The following NLGN1 variants were observed in gnomAD, a reference collection of about 807,000 sequenced individuals.
The protein encoded by NLGN1 is neuroligin 1.
In NLGN1, 12 loss-of-function variants were observed where a neutral mutation model predicts 65.5. The ratio of observed to expected loss-of-function variants is 0.18; its 90% CI spans 0.12 to 0.30. The LOEUF is 0.30. Among genes scored for constraint, NLGN1 ranks in the 10% least tolerant of loss-of-function variants. NLGN1 has a pLI of 1.00. For synonymous variants in NLGN1, 350 were observed against 359.5 expected, an observed-to-expected ratio of 0.97 and a Z score of 0.30; for missense variants, 750 against 1,007.1, an observed-to-expected ratio of 0.74 and a Z score of 3.46.
chr3:173,800,947 T>C (rs993623020), intron 3 of NLGN1, among the ~76,000 whole-genome samples: 1 of 151,976 alleles, frequency 6.6e-6, no homozygotes, highest in African/African-American at 2.4e-5. Flanking sequence ...ATTACAACTA[T>C]TTAGAAAACT....
At chr3:173,563,681 CT>C (rs144753128) in intron 2 of NLGN1, among the ~76,000 whole-genome samples, 3,271 of 151,592 alleles carry the variant, frequency 0.022, 45 homozygotes, top group South Asian at 0.054. Flanking sequence ...CTTGGGTCAT[CT>C]TTTTTTTTCT....
intron 4 of NLGN1, among the ~76,000 whole-genome samples, chr3:173,960,909 A>T (rs140493662): frequency 2.6e-5 from 4 of 152,166 alleles, no homozygotes; most frequent in African/African-American, 7.2e-5. Context: ...ACAGATTATC[A>T]ATGATGCAAC....
intron 2 of NLGN1, among the ~76,000 whole-genome samples, chr3:173,462,859 G>A (rs539877922): frequency 2.0e-5 from 3 of 152,268 alleles, no homozygotes; most frequent in South Asian, 4.1e-4. Flanking sequence ...TCAAGAAAAG[G>A]TGTTTTATAT....
At chr3:173,968,814 T>C (rs1445666724) in intron 4 of NLGN1, among the ~76,000 whole-genome samples, 1 of 143,816 alleles carries the variant, frequency 7.0e-6, no homozygotes, top group Non-Finnish European at 1.5e-5. Flanking sequence ...TTCTTCTGCC[T>C]CAGCTTCCTG....
intron 4 of NLGN1, among the ~76,000 whole-genome samples, chr3:174,082,748 T>C (rs1420911443): frequency 6.6e-6 from 1 of 151,902 alleles, no homozygotes; most frequent in Non-Finnish European, 1.5e-5. Flanking sequence ...GAAACAGAGG[T>C]TCATTCTTGT....
In NLGN1 at chr3:173,939,020, A is replaced by T. The variant is rs752544398; in HGVS notation, c.646+131188A>T. Among the ~76,000 whole-genome samples, 4 of 152,216 alleles carry T rather than the reference A, an allele frequency of 2.6e-5. No individual in the cohort carries two copies. In the East Asian group the frequency reaches 7.7e-4, roughly 29 times the overall value. ...CCTATTTTAAAAAATTGAAAAAAAT[A>T]TTTTAAAGTATGACTGAACACATGA... On this transcript the variant is annotated intron_variant, in intron 4 of 6. Coordinates refer to ENST00000457714, the Ensembl canonical transcript of NLGN1.
intron 3 of NLGN1, among the ~76,000 whole-genome samples, chr3:173,622,895 C>T (rs562964703): frequency 6.0e-4 from 91 of 152,252 alleles, no homozygotes; most frequent in Non-Finnish European, 1.1e-3. Context: ...AGTTGCCATA[C>T]TTCCTGCTCA....
At chr3:174,252,849 G>A (rs1258403025) in intron 4 of NLGN1, among the ~76,000 whole-genome samples, 1 of 152,090 alleles carries the variant, frequency 6.6e-6, no homozygotes, top group Non-Finnish European at 1.5e-5. Context: ...CTGTCTCCAC[G>A]GTGAGATTGC....
At chr3:173,668,297 AG>A (rs1761986458) in intron 3 of NLGN1, among the ~76,000 whole-genome samples, 1 of 152,208 alleles carries the variant, frequency 6.6e-6, no homozygotes, top group African/African-American at 2.4e-5. Flanking sequence ...AGGCAGAAGA[AG>A]AAAATATTGC....
chr3:173,855,673 A>G (rs1413923873), intron 4 of NLGN1, among the ~76,000 whole-genome samples: 1 of 152,148 alleles, frequency 6.6e-6, no homozygotes, highest in South Asian at 2.1e-4. Context: ...TAACAGTTCC[A>G]CCAAACGTCT....
intron 4 of NLGN1, among the ~76,000 whole-genome samples, chr3:174,159,996 C>T (rs1726192300): frequency 6.6e-6 from 1 of 151,690 alleles, no homozygotes; most frequent in Admixed American, 6.6e-5. Flanking sequence ...GATTTTCTTT[C>T]TTATGCAAAA....
At chr3:173,458,150 A>G (rs1166027496) in intron 2 of NLGN1, among the ~76,000 whole-genome samples, 2 of 152,126 alleles carry the variant, frequency 1.3e-5, no homozygotes, top group Non-Finnish European at 2.9e-5. Flanking sequence ...TAGGAATTTC[A>G]GCAAAAGTAG....
intron 4 of NLGN1, among the ~76,000 whole-genome samples, chr3:174,267,326 A>G (rs2152870990): frequency 6.6e-6 from 1 of 152,298 alleles, no homozygotes; most frequent in Non-Finnish European, 1.5e-5. Flanking sequence ...GAGTGGAACA[A>G]GCCATTCATG....
intron 3 of NLGN1, among the ~76,000 whole-genome samples, chr3:173,786,216 G>A (rs1053317667): frequency 6.6e-6 from 1 of 152,268 alleles, no homozygotes; most frequent in East Asian, 1.9e-4. Flanking sequence ...AATCTGAAAG[G>A]TATGTTCCAA....
chr3:173,699,661 C>T (rs1279010101), intron 3 of NLGN1, among the ~76,000 whole-genome samples: 2 of 152,122 alleles, frequency 1.3e-5, no homozygotes, highest in South Asian at 2.1e-4. Context: ...GCCTTTGTGG[C>T]CTTGAGTTCC....
At chr3:173,433,163 A>G (rs1386730044) in intron 1 of NLGN1, among the ~76,000 whole-genome samples, 1 of 152,006 alleles carries the variant, frequency 6.6e-6, no homozygotes, top group African/African-American at 2.4e-5. Flanking sequence ...TATTGAACCA[A>G]TCTCCCATTG....
At chr3:173,803,030 C>T (rs116180212) in intron 3 of NLGN1, among the ~76,000 whole-genome samples, 1,772 of 151,908 alleles carry the variant, frequency 0.012, 30 homozygotes, top group African/African-American at 0.039. Flanking sequence ...TTAGTAGAGA[C>T]ATGGTTCATC....
intron 4 of NLGN1, among the ~76,000 whole-genome samples, chr3:173,933,248 A>G (rs1313210568): frequency 6.6e-6 from 1 of 152,142 alleles, no homozygotes; most frequent in African/African-American, 2.4e-5. Flanking sequence ...AGAGAATGGC[A>G]GGAGAGAGGA....
At chr3:173,553,330 AG>A (rs1577242950) in intron 2 of NLGN1, among the ~76,000 whole-genome samples, 2 of 152,310 alleles carry the variant, frequency 1.3e-5, no homozygotes, top group African/African-American at 4.8e-5. Context: ...AAATATATGA[AG>A]GGTTGTCCAC....
Sources: allele counts gnomAD v4.1 joint callset (sites outside exome capture counted in the v4.1 genomes callset), GRCh38; gene constraint gnomAD v4.1.1; transcripts MANE v1.5; gene names NCBI Gene and HGNC (gene_info 2026-07-23, HGNC 2026-07-21).